Variants in GLI1 observed in about 807,000 individuals in gnomAD.
GLI1 encodes transcription activator GLI1.
In GLI1, 51 loss-of-function variants were observed where a neutral mutation model predicts 87.8. The ratio of observed to expected loss-of-function variants is 0.58; its 90% CI spans 0.46 to 0.73. The LOEUF (loss-of-function observed/expected upper bound fraction) is 0.73. Ranked by LOEUF, GLI1 falls within the 30% of genes least tolerant of loss-of-function variation. The probability of loss-of-function intolerance (pLI) is 0.00; values close to 1 mark genes in which losing one functional copy is unlikely to be tolerated. For synonymous variants in GLI1, 528 were observed against 558.2 expected, an observed-to-expected ratio of 0.95 and a Z score of 0.76; for missense variants, 1,292 against 1,437.2, an observed-to-expected ratio of 0.90 and a Z score of 1.63.
intron 10 of GLI1, among the ~76,000 whole-genome samples, chr12:57,469,134 T>G (rs74096025): frequency 0.082 from 12,416 of 152,174 alleles, 1,177 homozygotes; most frequent in African/African-American, 0.23. Flanking sequence ...AACTTCATGA[T>G]AAAGGGACTC....
At chr12:57,469,207 AAG>A (rs1242906450) in intron 10 of GLI1, among the ~76,000 whole-genome samples, 1 of 152,240 alleles carries the variant, frequency 6.6e-6, no homozygotes, top group African/African-American at 2.4e-5. Context: ...TCATAGAACT[AAG>A]AGCAAGAATT....
intron 9 of GLI1, 135 bp from the exon 10 acceptor site, chr12:57,467,859 G>T (rs1238335197): frequency 1.6e-6 from 1 of 637,756 alleles, no homozygotes; most frequent in East Asian, 2.7e-5. Context: ...CCCACCGGAG[G>T]CCTCCATCCT....
In GLI1 at chr12:57,470,994, C is replaced by G. The variant is rs747509020; in HGVS notation, c.2254C>G (p.Pro752Ala). The G allele has an allele frequency of 1.9e-6, 3 of 1,611,350 alleles. No homozygotes were observed. Among genetic ancestry groups the G allele is most frequent in the Non-Finnish European group, 2.5e-6 (3 of 1,178,546 alleles). ...TGGAGCGAGGGGTCCAGGCTCTCTG[C>G]CTCTTGGGCCTGGTCCACCCACCAA... ...PYGARGPGSL[P>A]LGPGPPTNYG... Residue 752 changes from proline to alanine, a missense_variant, in exon 12 of 12, where the codon CCT (proline) becomes GCT (alanine). Pro to Ala is a conservative substitution (Grantham distance 27). Coordinates refer to ENST00000228682, the MANE Select transcript of GLI1 (RefSeq NM_005269.3).
intron 10 of GLI1, 57 bp from the exon 11 acceptor site, chr12:57,469,374 T>A: frequency 6.4e-7 from 1 of 1,565,422 alleles, no homozygotes; most frequent in South Asian, 1.1e-5. Flanking sequence ...CAGCCACTCA[T>A]CAAGTTGAAG....
Position 57,463,807 on chromosome 12 carries a change from A to C in GLI1, c.100+16A>C, listed in dbSNP as rs747819208. On this transcript the variant is annotated intron_variant, in intron 2 of 11. Coordinates refer to ENST00000228682, the MANE Select transcript of GLI1 (RefSeq NM_005269.3). ...GGGACAGAAGGTCAGTGTATATACC[A>C]ATCCCTGGGCCTTGAGGATTTGGCA... is the stretch of plus-strand genomic sequence containing the variant. 6.9e-7 allele frequency: 1 copy of C among 1,442,910 alleles called. No homozygotes were observed. Among genetic ancestry groups the C allele is most frequent in the East Asian group, 2.3e-5 (1 of 44,040 alleles). 89.4% of individuals were successfully genotyped at this position (1,442,910 alleles called of 1,614,324 possible). A position where few individuals can be genotyped will look rare whatever the true frequency, so the allele number is the denominator to read the frequency against.
Position 57,468,287 on chromosome 12 carries a change from T to C in GLI1, c.1308+63T>C, listed in dbSNP as rs1469777136. On this transcript the variant is annotated intron_variant, in intron 10 of 11. Transcript: ENST00000228682. ...GCCCACCCTGTGGACATCTTTCTAG[T>C]TACTTCCCAACCCATCCATTCCCTC... is the stretch of plus-strand genomic sequence containing the variant. 2.4e-5 allele frequency: 26 copies of C among 1,075,116 alleles called. No homozygotes were observed. In the South Asian group the frequency reaches 3.5e-4, roughly 14 times the overall value. 66.6% of individuals were successfully genotyped at this position (1,075,116 alleles called of 1,614,324 possible). A position where few individuals can be genotyped will look rare whatever the true frequency, so the allele number is the denominator to read the frequency against.
In GLI1 at chr12:57,469,710, G is replaced by GT. The variant is rs778986643; in HGVS notation, c.1576+13dup. On this transcript the variant is annotated intron_variant, in intron 11 of 11. Coordinates refer to ENST00000228682, the MANE Select transcript of GLI1 (RefSeq NM_005269.3). ...CTTGTCCCACACCGGTGAGACCTGGGTGTGGGAGGTGTGGCTGGGGTGAGA... is the reference window on the plus strand; with the variant it reads ...CTTGTCCCACACCGGTGAGACCTGGGTTGTGGGAGGTGTGGCTGGGGTGAGA... The GT allele has an allele frequency of 2.5e-5, 41 of 1,610,536 alleles. 2 individuals are homozygous for GT. The South Asian group carries it at 4.4e-4, about 17-fold the overall frequency.
rs1871351574 is a variant in GLI1 at position 57,464,617 on chromosome 12, G to C, written c.194-56G>C. On this transcript the variant is annotated intron_variant, in intron 3 of 11. Coordinates refer to ENST00000228682, the MANE Select transcript of GLI1 (RefSeq NM_005269.3). ...TGCCAAGTCAGGACCCATAGGTTAG[G>C]TGCATGGAGAGACATGCCCCTTTAC... 4.7e-6 allele frequency: 6 copies of C among 1,290,008 alleles called. No individual in the cohort carries two copies. The Admixed American group carries it at 5.4e-5, about 12-fold the overall frequency. The allele number at this position is 1,290,008 out of a possible 1,614,324, so 79.9% of individuals were successfully genotyped here. A position where few individuals can be genotyped will look rare whatever the true frequency, so the allele number is the denominator to read the frequency against.
At chr12:57,463,831 C>A in intron 2 of GLI1, 40 bp downstream of exon 2, 3 of 1,297,234 alleles carry the variant, frequency 2.3e-6, no homozygotes, top group Non-Finnish European at 3.3e-6. Flanking sequence ...GAGGATTTGG[C>A]AGATCTCCCA....
chr12:57,461,108 C>G (rs1195418816), intron 1 of GLI1, among the ~76,000 whole-genome samples: 1 of 152,162 alleles, frequency 6.6e-6, no homozygotes, highest in East Asian at 1.9e-4. Flanking sequence ...TCCCATGACC[C>G]CGAAACAATC....
At chr12:57,466,583 C>T (rs1306155629) in intron 8 of GLI1, among the ~76,000 whole-genome samples, 194 bp downstream of exon 8, 1 of 152,112 alleles carries the variant, frequency 6.6e-6, no homozygotes, top group East Asian at 1.9e-4. Flanking sequence ...GACCTAAAAG[C>T]TCATTTTTTT....
intron 9 of GLI1, 88 bp downstream of exon 9, chr12:57,467,585 C>A: frequency 1.8e-6 from 2 of 1,142,130 alleles, no homozygotes; most frequent in Non-Finnish European, 2.5e-6. Flanking sequence ...GCCCAGCACC[C>A]ACTCCACAGA....
rs777236611 is a variant in GLI1, at chr12:57,469,452, G to A, written c.1330G>A (p.Ala444Thr). The stretch of plus-strand genomic sequence containing the variant: ...ACAGAAGCCACAGCCAAGCCCTGGG[G>A]CCCAGTCATCCTGCAGCAGTGACCA... ...GAMKPQPSPG[A>T]QSSCSSDHSP... Residue 444 changes from alanine (A) to threonine (T), a missense_variant, in exon 11 of 12, where the codon GCC becomes ACC. This residue lies in a region of GLI1 where 897 missense variants were observed against 1,040.7 expected (regional missense o/e 0.86). Transcript: ENST00000228682. 1 of 1,613,874 alleles carries A rather than the reference G, an allele frequency of 6.2e-7. No homozygotes were observed. Among genetic ancestry groups the A allele is most frequent in the South Asian group, 1.1e-5 (1 of 91,082 alleles).
rs2139865033 is a variant in GLI1 at position 57,470,563 on chromosome 12, G to A, written c.1823G>A (p.Ser608Asn). 1.2e-6 allele frequency: 2 copies of A among 1,614,138 alleles called. No homozygotes were observed. Among genetic ancestry groups the A allele is most frequent in the Non-Finnish European group, 1.7e-6 (2 of 1,180,034 alleles). The change falls in exon 12 of 12, where the codon AGC becomes AAC. Residue 608 changes from serine (S) to asparagine (N), a missense_variant. By Grantham distance (46) the Ser-to-Asn change is conservative. Transcript: ENST00000228682. ...GGTACTTCGCCCACTGCAGCATCCA[G>A]CCTGGATCGGATAGGTGGTCTTCCC... ...GGGTSPTAASSLDRIGGLPMP... is the reference protein window; with the variant it reads ...GGGTSPTAASNLDRIGGLPMP...
chr12:57,466,434 G>T, intron 8 of GLI1, 45 bp downstream of exon 8: 1 of 1,527,782 alleles, frequency 6.5e-7, no homozygotes, highest in Non-Finnish European at 8.9e-7. Context: ...CCTAAATCAG[G>T]GCTCTCCTTC....
intron 8 of GLI1, among the ~76,000 whole-genome samples, chr12:57,466,619 A>G (rs1871505102): frequency 6.6e-6 from 1 of 152,192 alleles, no homozygotes. Flanking sequence ...AGACATTAAA[A>G]CAGGCCAGGC....
In GLI1 at chr12:57,470,543, T is replaced by A. The variant is rs745789057; in HGVS notation, c.1803T>A (p.Thr601=). ...ARYASARGGG[T]SPTAASSLDR... ...ATGCTTCAGCCAGAGGGGGTGGTAC[T>A]TCGCCCACTGCAGCATCCAGCCTGG... The change falls in exon 12 of 12, where the codon ACT becomes ACA. Residue 601 remains threonine, a synonymous_variant. Coordinates refer to ENST00000228682, the MANE Select transcript of GLI1 (RefSeq NM_005269.3). The A allele has an allele frequency of 6.2e-7, 1 of 1,613,976 alleles. No homozygotes were observed. The highest frequency in any genetic ancestry group is 1.3e-5 in the African/African-American group (1 of 74,936).
At position 57,472,256 on chromosome 12, in the gene GLI1, G is replaced by A. The variant is rs1872085383; in HGVS notation, c.*195G>A. 3 of 598,340 alleles carry A rather than the reference G, an allele frequency of 5.0e-6. No homozygotes were observed. Among genetic ancestry groups the A allele is most frequent in the East Asian group, 2.9e-5 (1 of 34,380 alleles). 37.1% of individuals were successfully genotyped at this position (598,340 alleles called of 1,614,324 possible). A position where few individuals can be genotyped will look rare whatever the true frequency, so the allele number is the denominator to read the frequency against. ...ACTGTTTCCTGATAATAAAGGAACT[G>A]CATCAGAAAAAATACCATGCCACTT... On this transcript the variant is annotated 3_prime_UTR_variant, in exon 12 of 12. Transcript: ENST00000228682.
At chr12:57,469,245 C>A (rs1871705958) in intron 10 of GLI1, among the ~76,000 whole-genome samples, 186 bp from the exon 11 acceptor site, 1 of 152,190 alleles carries the variant, frequency 6.6e-6, no homozygotes, top group South Asian at 2.1e-4. Flanking sequence ...CGTGCTCCAG[C>A]CTAGGTTCTT....
Sources: allele counts gnomAD v4.1 joint callset (sites outside exome capture counted in the v4.1 genomes callset), GRCh38; gene constraint gnomAD v4.1.1; regional missense constraint gnomAD v4.1.1; transcripts MANE v1.5; gene names NCBI Gene and HGNC (gene_info 2026-07-23, HGNC 2026-07-21).